The following FH variants were observed in gnomAD, a reference collection of about 807,000 sequenced individuals.
FH encodes fumarate hydratase.
In FH, 22 loss-of-function variants were observed where a neutral mutation model predicts 49.4. The ratio of observed to expected loss-of-function variants is 0.45; its 90% CI spans 0.32 to 0.64. FH has a LOEUF of 0.64. Ranked by LOEUF, FH falls within the 30% of genes least tolerant of loss-of-function variation. The pLI, the probability that FH is intolerant of heterozygous loss-of-function variation, is 0.05. For missense variants in FH, 526 were observed against 641.5 expected (o/e 0.82, Z 1.95); for synonymous variants, 208 against 223.0 (o/e 0.93, Z 0.60).
At position 241,502,589 on chromosome 1, in the gene FH, T is replaced by C. The variant is rs2147915066; in HGVS notation, c.1109-19A>G. 1.2e-6 allele frequency: 2 copies of C among 1,613,690 alleles called. No homozygotes were observed. The highest frequency in any genetic ancestry group is 8.5e-7 in the Non-Finnish European group (1 of 1,179,680). On this transcript the variant is annotated intron_variant, in intron 7 of 9. Transcript: ENST00000366560. ...ACCTTGCCTTCAAGAAAACCACCAA[T>C]GACAGAGTAAAGACTAAATTTATGC... is the stretch of plus-strand genomic sequence containing the variant.
At chr1:241,498,035 G>T in intron 9 of FH, 65 bp from the exon 10 acceptor site, 2 of 1,539,788 alleles carry the variant, frequency 1.3e-6, no homozygotes, top group Non-Finnish European at 9.0e-7. Flanking sequence ...AAAGCAAAAG[G>T]TGACATAATT....
chr1:241,504,196 A>C lies in FH; in HGVS notation c.954T>G (p.His318Gln). 6.2e-7 allele frequency: 1 copy of C among 1,614,234 alleles called. No individual in the cohort carries two copies. Among genetic ancestry groups the C allele is most frequent in the Admixed American group, 1.7e-5 (1 of 60,026 alleles). Residue 318 changes from histidine to glutamine, a missense_variant, in exon 7 of 10, where the codon CAT becomes CAG. This residue lies in a region of FH where 383 missense variants were observed against 514.0 expected (regional missense o/e 0.75). Transcript: ENST00000366560. ...APNKFEALAA[H>Q]DALVELSGAM... ...CTCCACTGAGCTCAACCAGAGCGTC[A>C]TGAGCAGCCAGAGCTTCAAATTTAT...
At chr1:241,513,743 T>G in intron 2 of FH, 30 bp from the exon 3 acceptor site, 2 of 1,555,894 alleles carry the variant, frequency 1.3e-6, no homozygotes, top group Non-Finnish European at 8.9e-7. Flanking sequence ...TATTTCAAAT[T>G]TACAATTTTA....
chr1:241,518,730 C>A (rs1475245029), intron 1 of FH, among the ~76,000 whole-genome samples: 1 of 152,222 alleles, frequency 6.6e-6, no homozygotes, highest in Non-Finnish European at 1.5e-5. Context: ...CTTCAACTAT[C>A]ATTTCTCAAA....
chr1:241,511,775 G>T, intron 4 of FH, 192 bp downstream of exon 4: 1 of 571,326 alleles, frequency 1.8e-6, no homozygotes, highest in Non-Finnish European at 3.1e-6. Context: ...CTAAATTCAG[G>T]TGTCCTAAAA....
intron 8 of FH, among the ~76,000 whole-genome samples, chr1:241,502,027 C>T (rs1009850868): frequency 1.3e-5 from 2 of 152,130 alleles, no homozygotes; most frequent in South Asian, 2.1e-4. Flanking sequence ...GAACTAACTG[C>T]GCAATGCCAG....
At chr1:241,505,456 T>A (rs980108171) in intron 6 of FH, among the ~76,000 whole-genome samples, 1 of 152,198 alleles carries the variant, frequency 6.6e-6, no homozygotes, top group Non-Finnish European at 1.5e-5. Flanking sequence ...TGTATAATTA[T>A]CTCTACCCTA....
At chr1:241,507,427 T>TACAC (rs1261398479) in intron 5 of FH, among the ~76,000 whole-genome samples, 2 of 151,854 alleles carry the variant, frequency 1.3e-5, no homozygotes. Context: ...ACTGTATGTA[T>TACAC]ACACACACAC....
At chr1:241,510,363 G>T (rs1387815192) in intron 4 of FH, among the ~76,000 whole-genome samples, 1 of 152,054 alleles carries the variant, frequency 6.6e-6, no homozygotes, top group Non-Finnish European at 1.5e-5. Flanking sequence ...ATGCCTAAAA[G>T]GACACAAGAG....
chr1:241,505,221 T>G (rs1474316721), intron 6 of FH, among the ~76,000 whole-genome samples: 1 of 152,056 alleles, frequency 6.6e-6, no homozygotes, highest in Non-Finnish European at 1.5e-5. Context: ...CCTAATACAA[T>G]TTTTTAAAGT....
intron 3 of FH, among the ~76,000 whole-genome samples, chr1:241,512,475 A>G (rs1352023686): frequency 6.6e-6 from 1 of 152,224 alleles, no homozygotes; most frequent in Non-Finnish European, 1.5e-5. Flanking sequence ...TGTTATTGCC[A>G]GAGTCAGCAT....
At position 241,515,027 on chromosome 1, in the gene FH, A is replaced by AAC. The variant is rs2147923840; in HGVS notation, c.268-1316_268-1315dup. 1.3e-5 allele frequency among the ~76,000 whole-genome samples: 2 copies of AAC among 152,352 alleles called. 1 individual carries two copies. Among genetic ancestry groups the AAC allele is most frequent in the South Asian group, 4.1e-4 (2 of 4,830 alleles). On this transcript the variant is annotated intron_variant, in intron 2 of 9. Coordinates refer to ENST00000366560, the MANE Select transcript of FH (RefSeq NM_000143.4). ...ATTCACAGCAGAAAGAGGTTCAACG[A>AAC]ACACCATAAAATGGCAAAATGTATC...
At position 241,501,507 on chromosome 1, in the gene FH, C is replaced by T. The variant is rs74885116; in HGVS notation, c.1237-917G>A. On this transcript the variant is annotated intron_variant, in intron 8 of 9. Coordinates refer to ENST00000366560, the MANE Select transcript of FH (RefSeq NM_000143.4). The stretch of plus-strand genomic sequence containing the variant: ...CTGCTCTGGCCTGTGTTTTTATTTA[C>T]CACTAGGATATACATTCCATGAGAG... 5.3e-3 allele frequency among the ~76,000 whole-genome samples: 814 copies of T among 152,200 alleles called. 9 individuals are homozygous for T. The highest frequency in any genetic ancestry group is 0.019 in the African/African-American group (784 of 41,526).
intron 6 of FH, among the ~76,000 whole-genome samples, chr1:241,504,969 T>A (rs924707884): frequency 6.6e-6 from 1 of 150,946 alleles, no homozygotes; most frequent in Non-Finnish European, 1.5e-5. Flanking sequence ...AGGGCAGTGG[T>A]ACGATCTTGG....
intron 6 of FH, among the ~76,000 whole-genome samples, chr1:241,505,453 T>G (rs957931786): frequency 2.0e-4 from 30 of 152,324 alleles, no homozygotes; most frequent in Admixed American, 2.0e-3. Flanking sequence ...CAGTGTATAA[T>G]TATCTCTACC....
chr1:241,515,775 C>T (rs995560970), intron 2 of FH, among the ~76,000 whole-genome samples: 1 of 152,180 alleles, frequency 6.6e-6, no homozygotes, highest in African/African-American at 2.4e-5. Context: ...TTTCTCAATT[C>T]TTTTCACACT....
rs547799468 is a variant in FH, at chr1:241,509,062, TATATA to T, written c.556-282_556-278del. 1.2e-3 allele frequency among the ~76,000 whole-genome samples: 177 copies of T among 148,796 alleles called. 1 individual carries two copies. The highest frequency in any genetic ancestry group is 7.1e-3 in the Middle Eastern group (2 of 280). On this transcript the variant is annotated intron_variant, in intron 4 of 9. Transcript: ENST00000366560. Reference sequence around the variant, plus strand: ...TTACGTATTATATTATATTATGTATTATATAATATATTATGTATTATATTATGTAT... The same window carrying T: ...TTACGTATTATATTATATTATGTATTATATATTATGTATTATATTATGTAT...
intron 7 of FH, among the ~76,000 whole-genome samples, chr1:241,502,887 C>T (rs911812621): frequency 6.6e-6 from 1 of 152,144 alleles, no homozygotes; most frequent in Non-Finnish European, 1.5e-5. Context: ...CAGGCCCTGC[C>T]CTCGCAGAAC....
Position 241,498,067 on chromosome 1 carries a change from T to C in FH, c.1391-97A>G, listed in dbSNP as rs559177166. The stretch of plus-strand genomic sequence containing the variant: ...AATTGTTTACTTGATATTGATGCTA[T>C]ATGGGCCTCTTAAATGACATTTTTT... On this transcript the variant is annotated intron_variant, in intron 9 of 9. Coordinates refer to ENST00000366560, the MANE Select transcript of FH (RefSeq NM_000143.4). 1.5e-5 allele frequency: 17 copies of C among 1,152,922 alleles called. No homozygotes were observed. In the African/African-American group the frequency reaches 2.3e-4, roughly 15 times the overall value. 71.4% of individuals were successfully genotyped at this position (1,152,922 alleles called of 1,614,324 possible). A position where few individuals can be genotyped will look rare whatever the true frequency, so the allele number is the denominator to read the frequency against.
Sources: gnomAD v4.1 joint callset for allele counts (sites outside exome capture counted in the v4.1 genomes callset) on GRCh38, gnomAD v4.1.1 for gene constraint, gnomAD v4.1.1 regional missense constraint, MANE v1.5 for transcripts, NCBI Gene and HGNC (gene_info 2026-07-23, HGNC 2026-07-21) for gene names.